Variants in SLC67A2 observed in about 807,000 individuals in gnomAD.
SLC67A2 encodes the protein solute carrier family 67 member 2.
At chr2:102,727,047 A>C in the SLC67A2 span, 2 of 1,532,128 alleles carry the variant, frequency 1.3e-6, no homozygotes, top group Non-Finnish European at 1.8e-6. Context: ...GACCAAAACA[A>C]AGTGACCAGG....
chr2:102,726,316 AC>A, the SLC67A2 span, among the ~76,000 whole-genome samples: 1 of 152,216 alleles, frequency 6.6e-6, no homozygotes, highest in Non-Finnish European at 1.5e-5. Flanking sequence ...AAGACACTTA[AC>A]AAATTCTTAC....
At chr2:102,727,923 T>C in the SLC67A2 span, among the ~76,000 whole-genome samples, 1 of 152,194 alleles carries the variant, frequency 6.6e-6, no homozygotes, top group Non-Finnish European at 1.5e-5. Context: ...AAAATTTGTG[T>C]ACTATTTGCA....
the SLC67A2 span, among the ~76,000 whole-genome samples, chr2:102,727,321 CA>C: frequency 8.5e-5 from 13 of 152,048 alleles, no homozygotes; most frequent in Non-Finnish European, 1.9e-4. Context: ...CTTCAGATAC[CA>C]TGTACATTTT....
At chr2:102,732,445 T>A in the SLC67A2 span, 1 of 1,525,644 alleles carries the variant, frequency 6.6e-7, no homozygotes, top group Non-Finnish European at 8.9e-7. Flanking sequence ...CTCAAATTAG[T>A]ATTTTTCAAA....
chr2:102,718,890 T>A, the SLC67A2 span: 1 of 1,614,180 alleles, frequency 6.2e-7, no homozygotes, highest in South Asian at 1.1e-5. Flanking sequence ...CCTGTCACCT[T>A]GGGCCGCACC....
At chr2:102,716,771 A>G in the SLC67A2 span, 32,704 of 152,174 alleles carry the variant, frequency 0.21, 4,088 homozygotes, top group Middle Eastern at 0.29. Context: ...ACTAATTAAG[A>G]AAAGTAAAAG....
At chr2:102,736,854 T>C in the SLC67A2 span, 18 of 1,553,612 alleles carry the variant, frequency 1.2e-5, no homozygotes, top group Non-Finnish European at 1.3e-5. Flanking sequence ...GCCGCGGACC[T>C]ACCCCGGGAG....
chr2:102,718,701 T>A, the SLC67A2 span: 7 of 1,613,346 alleles, frequency 4.3e-6, no homozygotes, highest in Non-Finnish European at 5.1e-6. Context: ...GACAGGAGAG[T>A]GGAGGAGAGG....
chr2:102,736,653 CCCA>C, the SLC67A2 span: 3 of 1,613,992 alleles, frequency 1.9e-6, no homozygotes, highest in South Asian at 1.1e-5. Flanking sequence ...CACCAAGAAG[CCCA>C]CCAAGTAGAG....
the SLC67A2 span, among the ~76,000 whole-genome samples, chr2:102,732,622 A>T: frequency 6.6e-6 from 1 of 152,200 alleles, no homozygotes; most frequent in South Asian, 2.1e-4. Context: ...TTTACACTCA[A>T]GGAGGATATG....
At chr2:102,726,880 T>G in the SLC67A2 span, 1 of 1,604,166 alleles carries the variant, frequency 6.2e-7, no homozygotes, top group Non-Finnish European at 8.5e-7. Context: ...CAGAAACACA[T>G]TGGTGGCTGC....
At chr2:102,732,142 G>GA in the SLC67A2 span, 1 of 713,636 alleles carries the variant, frequency 1.4e-6, no homozygotes, top group Non-Finnish European at 2.6e-6. Context: ...ACGTCGTCTA[G>GA]AAAAAAAGGA....
chr2:102,726,053 A>C, the SLC67A2 span, among the ~76,000 whole-genome samples: 1 of 152,230 alleles, frequency 6.6e-6, no homozygotes, highest in Admixed American at 6.5e-5. Flanking sequence ...CGCCGCATTC[A>C]CAGGAGGTGT....
chr2:102,733,530 C>G, the SLC67A2 span, among the ~76,000 whole-genome samples: 1 of 152,114 alleles, frequency 6.6e-6, no homozygotes, highest in Non-Finnish European at 1.5e-5. Flanking sequence ...ATAATTAGCT[C>G]TTAAAATTAC....
the SLC67A2 span, chr2:102,732,238 A>G: frequency 1.3e-5 from 15 of 1,143,638 alleles, no homozygotes; most frequent in African/African-American, 1.2e-4. Context: ...TAATATTTGG[A>G]TACAAAATTG....
the SLC67A2 span, chr2:102,719,049 G>A: frequency 1.2e-6 from 2 of 1,614,218 alleles, no homozygotes; most frequent in Non-Finnish European, 1.7e-6. Flanking sequence ...TCGACCCAGG[G>A]CTGGGCAGTC....
At chr2:102,725,513 A>G in the SLC67A2 span, among the ~76,000 whole-genome samples, 1 of 152,216 alleles carries the variant, frequency 6.6e-6, no homozygotes, top group South Asian at 2.1e-4. Flanking sequence ...TACACACCAC[A>G]TAATGGTGGA....
chr2:102,735,194 G>A, the SLC67A2 span, among the ~76,000 whole-genome samples: 4 of 152,204 alleles, frequency 2.6e-5, no homozygotes, highest in African/African-American at 7.2e-5. Context: ...CAGAAGGAGT[G>A]CCAGTCTCTG....
chr2:102,730,662 C>T, the SLC67A2 span, among the ~76,000 whole-genome samples: 17 of 151,920 alleles, frequency 1.1e-4, no homozygotes, highest in African/African-American at 4.1e-4. Context: ...CCTGCCTCAG[C>T]CTCCCGAGTA....
Sources: allele counts gnomAD v4.1 joint callset (sites outside exome capture counted in the v4.1 genomes callset), GRCh38; gene constraint gnomAD v4.1.1; transcripts MANE v1.5; gene names NCBI Gene and HGNC (gene_info 2026-07-23, HGNC 2026-07-21).